The following ZC2HC1A variants were observed in gnomAD, a reference collection of about 807,000 sequenced individuals.
ZC2HC1A encodes zinc finger C2HC-type containing 1A.
ZC2HC1A carries 28 observed loss-of-function variants against 40.7 expected under a neutral mutation model. The ratio of observed to expected loss-of-function variants is 0.69; its 90% CI spans 0.51 to 0.94. The LOEUF (loss-of-function observed/expected upper bound fraction) is 0.94, where lower values mean the gene tolerates loss of function less well. ZC2HC1A is among the 40% of genes least tolerant of loss of function. ZC2HC1A has a pLI of 0.00. For synonymous variants in ZC2HC1A, 129 were observed against 129.2 expected (o/e 1.00, Z 0.01); for missense variants, 389 against 386.3 (o/e 1.01, Z -0.06).
chr8:78,686,698 C>A, intron 4 of ZC2HC1A, 90 bp downstream of exon 4: 2 of 1,305,074 alleles, frequency 1.5e-6, no homozygotes, highest in Non-Finnish European at 2.0e-6. Flanking sequence ...GCTTAACTTA[C>A]AATCATGGAG....
At chr8:78,687,807 T>C (rs1181961736) in intron 4 of ZC2HC1A, among the ~76,000 whole-genome samples, 11 of 136,432 alleles carry the variant, frequency 8.1e-5, no homozygotes, top group African/African-American at 2.7e-4. Flanking sequence ...TATATATTCA[T>C]GTAATAAATA....
chr8:78,684,710 G>C (rs896200970), intron 3 of ZC2HC1A, among the ~76,000 whole-genome samples: 1 of 152,074 alleles, frequency 6.6e-6, no homozygotes, highest in Non-Finnish European at 1.5e-5. Flanking sequence ...CATATACTCA[G>C]CAAACAGGCT....
chr8:78,682,555 G>A (rs1286523353), intron 3 of ZC2HC1A, among the ~76,000 whole-genome samples: 4 of 152,084 alleles, frequency 2.6e-5, no homozygotes, highest in East Asian at 1.9e-4. Context: ...ACCTGCCCCC[G>A]TGATTCAATT....
chr8:78,689,230 C>A lies in ZC2HC1A; in HGVS notation c.361C>A (p.Gln121Lys), dbSNP rs753236294. Reference sequence around the variant, plus strand: ...GTTTTTATCTGTTATAGATTATATTCAATGTCCATATTGTCAGAGGAGATT... The same window carrying A: ...GTTTTTATCTGTTATAGATTATATTAAATGTCCATATTGTCAGAGGAGATT... The part of the protein sequence containing the change: ...PPPSYDPDYI[Q>K]CPYCQRRFNE... The change falls in exon 5 of 9, where the codon CAA becomes AAA. Residue 121 changes from glutamine (Q) to lysine (K), a missense_variant. Transcript: ENST00000263849. 16 of 1,564,048 alleles carry A rather than the reference C, an allele frequency of 1.0e-5. No individual in the cohort carries two copies. The African/African-American group carries it at 1.9e-4, about 19-fold the overall frequency.
At chr8:78,711,476 T>C (rs1810947907) in intron 7 of ZC2HC1A, among the ~76,000 whole-genome samples, 1 of 152,088 alleles carries the variant, frequency 6.6e-6, no homozygotes, top group Non-Finnish European at 1.5e-5. Flanking sequence ...TTTGGATACA[T>C]TTCAGAAATA....
At chr8:78,666,292 CTCCG>C in intron 1 of ZC2HC1A, 128 bp downstream of exon 1, 1 of 1,458,058 alleles carries the variant, frequency 6.9e-7, no homozygotes, top group Non-Finnish European at 9.3e-7. Context: ...CCCGCCGCGC[CTCCG>C]GAGGCTGGGG....
chr8:78,695,800 T>A (rs1261687276), intron 5 of ZC2HC1A, among the ~76,000 whole-genome samples: 1 of 152,168 alleles, frequency 6.6e-6, no homozygotes, highest in Admixed American at 6.5e-5. Flanking sequence ...GTTTTGGTTT[T>A]CTATTTTTCA....
At chr8:78,712,155 A>G (rs1810971929) in intron 7 of ZC2HC1A, 4 of 1,106,536 alleles carry the variant, frequency 3.6e-6, no homozygotes, top group East Asian at 5.8e-5. Context: ...ATATTTCCTT[A>G]AAAGCTTTAT....
At chr8:78,672,564 T>G (rs992380276) in intron 1 of ZC2HC1A, among the ~76,000 whole-genome samples, 1 of 152,130 alleles carries the variant, frequency 6.6e-6, no homozygotes, top group Non-Finnish European at 1.5e-5. Context: ...GCCTTGGAGA[T>G]TAATAAGATA....
At chr8:78,669,092 A>AT (rs747398223) in intron 1 of ZC2HC1A, among the ~76,000 whole-genome samples, 9 of 151,826 alleles carry the variant, frequency 5.9e-5, no homozygotes, top group Non-Finnish European at 1.2e-4. Flanking sequence ...GTTTTGTTTT[A>AT]TTTTTTCGTA....
At chr8:78,683,727 C>T (rs1456986689) in intron 3 of ZC2HC1A, among the ~76,000 whole-genome samples, 2 of 152,136 alleles carry the variant, frequency 1.3e-5, no homozygotes, top group Non-Finnish European at 2.9e-5. Context: ...ATGAATTTCT[C>T]CCCAGGAAAT....
At chr8:78,691,549 A>G (rs1810211675) in intron 5 of ZC2HC1A, among the ~76,000 whole-genome samples, 1 of 152,052 alleles carries the variant, frequency 6.6e-6, no homozygotes, top group African/African-American at 2.4e-5. Context: ...TTGTTGGTCA[A>G]AATTGCCTGT....
chr8:78,668,678 G>A (rs972235081), intron 1 of ZC2HC1A, among the ~76,000 whole-genome samples: 1 of 152,114 alleles, frequency 6.6e-6, no homozygotes, highest in African/African-American at 2.4e-5. Context: ...ATCTGTTTTT[G>A]TAGAATCAAT....
chr8:78,694,517 T>G (rs1563630805), intron 5 of ZC2HC1A, among the ~76,000 whole-genome samples: 1 of 152,160 alleles, frequency 6.6e-6, no homozygotes, highest in Non-Finnish European at 1.5e-5. Flanking sequence ...TAATGCAAAT[T>G]TATACAGCAA....
At chr8:78,675,980 C>A (rs1809566578) in intron 2 of ZC2HC1A, 117 bp downstream of exon 2, 2 of 774,506 alleles carry the variant, frequency 2.6e-6, no homozygotes, top group Non-Finnish European at 4.1e-6. Context: ...TTAATGGGTA[C>A]TATTCTTTGT....
At chr8:78,667,836 ACACT>A (rs1342752532) in intron 1 of ZC2HC1A, among the ~76,000 whole-genome samples, 12 of 152,318 alleles carry the variant, frequency 7.9e-5, no homozygotes, top group East Asian at 7.7e-4. Context: ...ACCTATTATG[ACACT>A]CAGTTGCATA....
At chr8:78,667,089 G>T (rs995468862) in intron 1 of ZC2HC1A, among the ~76,000 whole-genome samples, 1 of 152,212 alleles carries the variant, frequency 6.6e-6, no homozygotes, top group Non-Finnish European at 1.5e-5. Flanking sequence ...TTGGAATTAA[G>T]AATGAGCAGA....
intron 3 of ZC2HC1A, 127 bp downstream of exon 3, chr8:78,678,806 T>C (rs1809669392): frequency 1.8e-6 from 1 of 546,256 alleles, no homozygotes; most frequent in Non-Finnish European, 3.0e-6. Context: ...AAAGAATAAA[T>C]ACAATTCTGT....
chr8:78,677,148 A>G (rs1809607216), intron 2 of ZC2HC1A, among the ~76,000 whole-genome samples: 1 of 152,138 alleles, frequency 6.6e-6, no homozygotes, highest in South Asian at 2.1e-4. Flanking sequence ...TTTTTTCCCA[A>G]AGTTTGACAG....
Sources: gnomAD v4.1 joint callset for allele counts (sites outside exome capture counted in the v4.1 genomes callset) on GRCh38, gnomAD v4.1.1 for gene constraint, MANE v1.5 for transcripts, NCBI Gene and HGNC (gene_info 2026-07-23, HGNC 2026-07-21) for gene names.